The following RGS20 variants were observed in gnomAD, a reference collection of about 807,000 sequenced individuals.
The protein encoded by RGS20 is regulator of G protein signaling 20.
A neutral mutation model predicts 33.6 loss-of-function variants in RGS20; 30 were observed. The observed-to-expected ratio is 0.89, with a 90% CI of 0.67 to 1.21. The LOEUF (loss-of-function observed/expected upper bound fraction) is 1.21, where lower values mean the gene tolerates loss of function less well. RGS20 is among the 50% of genes most tolerant of loss of function. The pLI is 0.00. For synonymous variants in RGS20, 208 were observed against 197.9 expected (o/e 1.05, Z -0.43); for missense variants, 472 against 502.4 (o/e 0.94, Z 0.58).
At chr8:53,905,536 G>C (rs112899381) in intron 2 of RGS20, among the ~76,000 whole-genome samples, 4 of 152,202 alleles carry the variant, frequency 2.6e-5, no homozygotes, top group Middle Eastern at 3.4e-3. Context: ...ACTTAGAATC[G>C]CCTCATCTCA....
chr8:53,947,671 ATATAG>A (rs1203992825), intron 4 of RGS20, among the ~76,000 whole-genome samples: 64 of 92,838 alleles, frequency 6.9e-4, no homozygotes, highest in African/African-American at 2.6e-3. Context: ...TATATATAGG[ATATAG>A]TACATACATT....
chr8:53,906,709 G>A (rs1449941545), intron 2 of RGS20, among the ~76,000 whole-genome samples: 1 of 152,190 alleles, frequency 6.6e-6, no homozygotes, highest in Non-Finnish European at 1.5e-5. Context: ...CACAGTCAGT[G>A]GGAGCTCAGA....
At chr8:53,914,285 C>T (rs74576099) in intron 2 of RGS20, among the ~76,000 whole-genome samples, 2,400 of 152,296 alleles carry the variant, frequency 0.016, 45 homozygotes, top group African/African-American at 0.047. Flanking sequence ...CCCACCTTGG[C>T]CTCCCAAGGA....
At chr8:53,856,116 A>T (rs1015194130) in intron 1 of RGS20, among the ~76,000 whole-genome samples, 8 of 152,224 alleles carry the variant, frequency 5.3e-5, no homozygotes, top group African/African-American at 1.4e-4. Flanking sequence ...AAATACTCCA[A>T]CATGGGCCAC....
At position 53,958,447 on chromosome 8, in the gene RGS20, A is replaced by G; in HGVS notation, c.1156A>G (p.Ile386Val). 6.7e-7 allele frequency: 1 copy of G among 1,498,240 alleles called. No individual in the cohort carries two copies. The highest frequency in any genetic ancestry group is 1.5e-5 in the South Asian group (1 of 67,520). The allele number at this position is 1,498,240 out of a possible 1,614,324, so 92.8% of individuals were successfully genotyped here. A position where few individuals can be genotyped will look rare whatever the true frequency, so the allele number is the denominator to read the frequency against. Residue 386 changes from isoleucine (I) to valine (V), a missense_variant, in exon 6 of 6, where the codon ATT becomes GTT. Transcript: ENST00000297313. ...GCTTCAGTCCTTATCGGAGAAATCT[A>G]TTGAAGCATAGGATTTTTCAAATAT... is the stretch of plus-strand genomic sequence containing the variant.
At chr8:53,883,900 G>C (rs112457308) in intron 2 of RGS20, among the ~76,000 whole-genome samples, 1 of 151,542 alleles carries the variant, frequency 6.6e-6, no homozygotes, top group African/African-American at 2.4e-5. Context: ...GAGCCGAGAT[G>C]GAGCCACTGC....
chr8:53,943,109 T>C (rs900583081), intron 3 of RGS20, among the ~76,000 whole-genome samples: 1 of 152,208 alleles, frequency 6.6e-6, no homozygotes, highest in South Asian at 2.1e-4. Flanking sequence ...TATAGTAGCA[T>C]AATTATGAAT....
At chr8:53,870,464 T>A (rs1812037829) in intron 1 of RGS20, among the ~76,000 whole-genome samples, 1 of 152,262 alleles carries the variant, frequency 6.6e-6, no homozygotes, top group Non-Finnish European at 1.5e-5. Context: ...AATGCCTGCA[T>A]GCATCATTAT....
chr8:53,948,565 TATTTACATATGCTATATATGATACAGTAC>T (rs1814610790), intron 4 of RGS20, among the ~76,000 whole-genome samples: 2 of 66,024 alleles, frequency 3.0e-5, no homozygotes, highest in African/African-American at 1.8e-4. Flanking sequence ...ATACAGTACA[TATTTACATATGCTATATATGATACAGTAC>T]ATATTTACAT....
chr8:53,883,710 C>T (rs1317685872), intron 2 of RGS20, among the ~76,000 whole-genome samples: 1 of 151,834 alleles, frequency 6.6e-6, no homozygotes, highest in Non-Finnish European at 1.5e-5. Flanking sequence ...TTTGGGAGGC[C>T]GAGGCAGGTG....
rs567439634 is a variant in RGS20, at chr8:53,877,825, T to C, written c.166-1433T>C. Among the ~76,000 whole-genome samples, 8 of 152,330 alleles carry C rather than the reference T, an allele frequency of 5.3e-5. No individual in the cohort carries two copies. Among genetic ancestry groups the C allele is most frequent in the African/African-American group, 1.9e-4 (8 of 41,580 alleles). On this transcript the variant is annotated intron_variant, in intron 1 of 5. Coordinates refer to ENST00000297313, the MANE Select transcript of RGS20 (RefSeq NM_170587.4). The surrounding 1 kb of genome is among the most constrained non-coding windows in gnomAD (Gnocchi z 5.7). Reference sequence around the variant, plus strand: ...CAAATCAGCCACCGCACTCGCGGCTTCCCAGAAAGGGCCTCATGAATGAGA... The same window carrying C: ...CAAATCAGCCACCGCACTCGCGGCTCCCCAGAAAGGGCCTCATGAATGAGA...
chr8:53,957,251 C>T lies in RGS20; in HGVS notation c.979-1019C>T, dbSNP rs1282607794. Among the ~76,000 whole-genome samples the T allele has an allele frequency of 2.0e-5, 3 of 152,294 alleles. No individual in the cohort carries two copies. The East Asian group carries it at 5.8e-4, about 29-fold the overall frequency. On this transcript the variant is annotated intron_variant, in intron 5 of 5. Coordinates refer to ENST00000297313, the MANE Select transcript of RGS20 (RefSeq NM_170587.4). ...AAGCGATTCTCCTGCCTCGGCCTCC[C>T]GAGTAGCTGGGATTACAGGCACCTG...
chr8:53,913,752 G>A (rs751230746), intron 2 of RGS20: 3 of 152,288 alleles, frequency 2.0e-5, no homozygotes, highest in Non-Finnish European at 2.9e-5. Flanking sequence ...CCCTGCTGAC[G>A]GTTTGGTTTT....
At chr8:53,879,094 T>C (rs1010020713) in intron 1 of RGS20, among the ~76,000 whole-genome samples, 21 of 151,762 alleles carry the variant, frequency 1.4e-4, no homozygotes, top group African/African-American at 5.1e-4. Context: ...AATACAGGAG[T>C]GGGAGGGGAA....
intron 2 of RGS20, among the ~76,000 whole-genome samples, chr8:53,887,644 G>A (rs1812585293): frequency 1.3e-5 from 2 of 152,170 alleles, no homozygotes; most frequent in Non-Finnish European, 2.9e-5. Flanking sequence ...TTAATGACAG[G>A]AAGTCATTAT....
chr8:53,935,880 C>T (rs1167108306), intron 2 of RGS20, among the ~76,000 whole-genome samples: 2 of 152,204 alleles, frequency 1.3e-5, no homozygotes, highest in Non-Finnish European at 2.9e-5. Flanking sequence ...TCCAGCAGCA[C>T]ATCAAAAAGC....
At chr8:53,919,134 T>A (rs1298059408) in intron 2 of RGS20, among the ~76,000 whole-genome samples, 1 of 152,222 alleles carries the variant, frequency 6.6e-6, no homozygotes, top group Non-Finnish European at 1.5e-5. Flanking sequence ...GTGGTAGAGA[T>A]TTTATTTCCC....
At chr8:53,947,816 GTATATACATTTATAT>G (rs1585955801) in intron 4 of RGS20, among the ~76,000 whole-genome samples, 2 of 133,770 alleles carry the variant, frequency 1.5e-5, no homozygotes, top group East Asian at 2.1e-4. Flanking sequence ...ATAGGATATA[GTATATACATTTATAT>G]ATGCTATATA....
intron 1 of RGS20, among the ~76,000 whole-genome samples, chr8:53,871,663 C>T (rs1585870632): frequency 6.6e-6 from 1 of 152,074 alleles, no homozygotes. Flanking sequence ...TGTCCCTGGT[C>T]TCCTTTCCAG....
Sources: allele counts gnomAD v4.1 joint callset (sites outside exome capture counted in the v4.1 genomes callset), GRCh38; gene constraint gnomAD v4.1.1; non-coding constraint Gnocchi (gnomAD v3.1); transcripts MANE v1.5; gene names NCBI Gene and HGNC (gene_info 2026-07-23, HGNC 2026-07-21).